BPTF: variants seen among roughly 807,000 people sequenced by gnomAD.
BPTF encodes nucleosome-remodeling factor subunit BPTF.
BPTF carries 18 observed loss-of-function variants against 292.5 expected under a neutral mutation model. The observed-to-expected ratio is 0.06, with a 90% CI of 0.04 to 0.09. The LOEUF (loss-of-function observed/expected upper bound fraction) is 0.09, where lower values mean the gene tolerates loss of function less well. Ranked by LOEUF, BPTF falls within the 10% of genes least tolerant of loss-of-function variation. The pLI, the probability that BPTF is intolerant of heterozygous loss-of-function variation, is 1.00. For missense variants in BPTF, 2,726 were observed against 3,498.7 expected (o/e 0.78, Z 5.57); for synonymous variants, 1,225 against 1,251.9 (o/e 0.98, Z 0.45).
At chr17:67,850,602 C>T (rs149737375) in intron 1 of BPTF, among the ~76,000 whole-genome samples, 124 of 152,248 alleles carry the variant, frequency 8.1e-4, no homozygotes, top group African/African-American at 2.9e-3. Flanking sequence ...CTCCTGACCT[C>T]GTGATCTGCC....
intron 1 of BPTF, among the ~76,000 whole-genome samples, chr17:67,832,666 C>T (rs578043547): frequency 2.4e-4 from 36 of 152,014 alleles, no homozygotes; most frequent in African/African-American, 8.2e-4. Flanking sequence ...AATTCCAGCA[C>T]GTTTTTATAC....
chr17:67,927,657 G>A (rs2064031357), intron 15 of BPTF, among the ~76,000 whole-genome samples: 1 of 152,102 alleles, frequency 6.6e-6, no homozygotes, highest in Non-Finnish European at 1.5e-5. Context: ...TGAGCAGCAT[G>A]GTGTTTCTGT....
rs188090070 is a variant in BPTF, at chr17:67,829,510, T to C, written c.613+3173T>C. ...TGTGACATTTTGAGTTCTAAACTTT[T>C]AGAACATGCCCACTTGCCTGGAATG... On this transcript the variant is annotated intron_variant, in intron 1 of 27. Transcript: ENST00000306378. Among the ~76,000 whole-genome samples, 363 of 150,180 alleles carry C rather than the reference T, an allele frequency of 2.4e-3. 1 individual carries two copies. The highest frequency in any genetic ancestry group is 5.6e-3 in the Admixed American group (84 of 15,082).
chr17:67,859,076 T>C (rs1332655171), intron 2 of BPTF, among the ~76,000 whole-genome samples: 1 of 152,206 alleles, frequency 6.6e-6, no homozygotes, highest in African/African-American at 2.4e-5. Flanking sequence ...GCATTTTATG[T>C]ATTTTAAAAT....
At position 67,954,127 on chromosome 17, in the gene BPTF, CGGGT is replaced by C. The variant is rs1555679892; in HGVS notation, c.7927-5413_7927-5410del. Among the ~76,000 whole-genome samples the C allele has an allele frequency of 1.2e-3, 6 of 5,076 alleles. No individual in the cohort carries two copies. In the Non-Finnish European group the frequency reaches 0.079, roughly 67 times the overall value. 3.3% of individuals were successfully genotyped at this position (5,076 alleles called of 152,430 possible). On this transcript the variant is annotated intron_variant, in intron 23 of 27. Transcript: ENST00000306378. ...TCAGCCTCCCAAGCAGCTGGGACTA[CGGGT>C]ACGGGCGAATGCCATGCCACCCTGT...
chr17:67,826,014 G>T lies in BPTF; in HGVS notation c.290G>T (p.Gly97Val), dbSNP rs2055976178. 1.7e-6 allele frequency: 2 copies of T among 1,187,482 alleles called. No individual in the cohort carries two copies. The highest frequency in any genetic ancestry group is 2.1e-6 in the Non-Finnish European group (2 of 955,676). 73.6% of individuals were successfully genotyped at this position (1,187,482 alleles called of 1,614,324 possible). ...TSAPGRGGRG[G>V]GGGRTGGGGG... The stretch of plus-strand genomic sequence containing the variant: ...GCCCCGGGCCGGGGGGGGCGAGGAG[G>T]CGGGGGCGGCAGGACGGGGGGCGGG... Residue 97 changes from glycine (G) to valine (V), a missense_variant, in exon 1 of 28, where the codon GGC (glycine) becomes GTC (valine). This residue lies in a region of BPTF where 103 missense variants were observed against 72.1 expected (regional missense o/e 1.43). Coordinates refer to ENST00000306378, the MANE Select transcript of BPTF (RefSeq NM_182641.4).
intron 1 of BPTF, among the ~76,000 whole-genome samples, chr17:67,832,785 T>TTA (rs1163285794): frequency 7.6e-6 from 1 of 131,814 alleles, no homozygotes; most frequent in Non-Finnish European, 1.6e-5. Context: ...ATTCGCCTCT[T>TTA]TTTTTTTTTT....
At chr17:67,906,062 G>A (rs779267257) in intron 9 of BPTF, among the ~76,000 whole-genome samples, 1 of 151,976 alleles carries the variant, frequency 6.6e-6, no homozygotes, top group Non-Finnish European at 1.5e-5. Flanking sequence ...AAAAAATAAT[G>A]AGGTTTTTTT....
At chr17:67,859,965 G>T (rs557466540) in intron 2 of BPTF, among the ~76,000 whole-genome samples, 1 of 152,150 alleles carries the variant, frequency 6.6e-6, no homozygotes, top group Admixed American at 6.5e-5. Context: ...ATACATTGTC[G>T]AGGAAATCAA....
Position 67,969,416 on chromosome 17 carries a change from C to T in BPTF, c.8539+2760C>T, listed in dbSNP as rs1036063734. On this transcript the variant is annotated intron_variant, in intron 26 of 27. Transcript: ENST00000306378. ...GCTGTGAGACAAGATCGCGCCACTG[C>T]ACTCCAGCCTGGGCAACAGAGAAAA... Among the ~76,000 whole-genome samples the T allele has an allele frequency of 9.5e-5, 13 of 136,674 alleles. 1 individual carries two copies. Among genetic ancestry groups the T allele is most frequent in the African/African-American group, 3.4e-4 (12 of 35,046 alleles). 89.7% of individuals were successfully genotyped at this position (136,674 alleles called of 152,430 possible).
rs776290520 is a variant in BPTF, at chr17:67,903,934, A to G, written c.2673+16A>G. On this transcript the variant is annotated intron_variant, in intron 8 of 27. Transcript: ENST00000306378. ...TAAGCATCAGGTAATTTTTACAACA[A>G]CCCTTTAAAATAGTGTTAGCCATTT... 4 of 1,576,522 alleles carry G rather than the reference A, an allele frequency of 2.5e-6. No individual in the cohort carries two copies. Among genetic ancestry groups the G allele is most frequent in the Non-Finnish European group, 2.6e-6 (3 of 1,169,138 alleles).
At chr17:67,960,485 G>A (rs2067373934) in intron 24 of BPTF, 1 of 152,168 alleles carries the variant, frequency 6.6e-6, no homozygotes, top group African/African-American at 2.4e-5. Context: ...TTGGCAGCTG[G>A]AAGCTGTTTT....
intron 1 of BPTF, among the ~76,000 whole-genome samples, chr17:67,848,640 G>T (rs1210883587): frequency 6.6e-6 from 1 of 152,142 alleles, no homozygotes; most frequent in African/African-American, 2.4e-5. Flanking sequence ...ACTACAGTGC[G>T]TATTTAAAAA....
chr17:67,897,498 C>T (rs911102737), intron 7 of BPTF, among the ~76,000 whole-genome samples: 1 of 152,030 alleles, frequency 6.6e-6, no homozygotes, highest in East Asian at 1.9e-4. Flanking sequence ...AGGGGTCCAC[C>T]TAGAAAGAGT....
In BPTF at chr17:67,945,344, ATTC is replaced by A. The variant is rs2065725692; in HGVS notation, c.6701-59_6701-57del. On this transcript the variant is annotated intron_variant, in intron 20 of 27. Coordinates refer to ENST00000306378, the MANE Select transcript of BPTF (RefSeq NM_182641.4). ...CTCAACTTCAGAAGATTTCCTTCAG[ATTC>A]TTCTTTAACCACAGTTTTATGTTCC... The A allele has an allele frequency of 3.9e-6, 6 of 1,542,790 alleles. 1 individual carries two copies. In the African/African-American group the frequency reaches 4.1e-5, roughly 11 times the overall value.
chr17:67,886,185 A>G (rs1350408971), intron 4 of BPTF: 2 of 1,613,876 alleles, frequency 1.2e-6, no homozygotes, highest in East Asian at 2.2e-5. Flanking sequence ...ACCTCCATCC[A>G]GCCTAATCTG....
chr17:67,878,725 T>C (rs1486912454), intron 4 of BPTF, among the ~76,000 whole-genome samples: 1 of 152,038 alleles, frequency 6.6e-6, no homozygotes, highest in Non-Finnish European at 1.5e-5. Context: ...ATATCCTCTT[T>C]TGGGAGGTAC....
At chr17:67,827,993 C>T (rs1651176336) in intron 1 of BPTF, among the ~76,000 whole-genome samples, 1 of 147,234 alleles carries the variant, frequency 6.8e-6, no homozygotes, top group Non-Finnish European at 1.5e-5. Flanking sequence ...GTGCAGTGTC[C>T]TGATCTCGGC....
intron 17 of BPTF, among the ~76,000 whole-genome samples, chr17:67,930,478 C>T (rs900480108): frequency 1.3e-5 from 2 of 151,914 alleles, no homozygotes; most frequent in African/African-American, 4.8e-5. Context: ...GGATTACAGG[C>T]CTGAGCCACT....
Sources: gnomAD v4.1 joint callset for allele counts (sites outside exome capture counted in the v4.1 genomes callset) on GRCh38, gnomAD v4.1.1 for gene constraint, gnomAD v4.1.1 regional missense constraint, MANE v1.5 for transcripts, NCBI Gene and HGNC (gene_info 2026-07-23, HGNC 2026-07-21) for gene names.